Variants in TJP1 observed in about 807,000 individuals in gnomAD.
TJP1 encodes tight junction protein ZO-1.
In TJP1, 43 loss-of-function variants were observed where a neutral mutation model predicts 194.2. That is an observed-to-expected ratio of 0.22 (90% CI 0.17 to 0.29). The LOEUF (loss-of-function observed/expected upper bound fraction) is 0.29. Ranked by LOEUF, TJP1 falls within the 10% of genes least tolerant of loss-of-function variation. TJP1 has a pLI of 1.00. For synonymous variants in TJP1, 801 were observed against 779.0 expected, an observed-to-expected ratio of 1.03 and a Z score of -0.47; for missense variants, 1,971 against 2,185.7, an observed-to-expected ratio of 0.90 and a Z score of 1.96.
At chr15:29,909,175 A>G (rs2053935210) in intron 2 of TJP1, among the ~76,000 whole-genome samples, 2 of 150,498 alleles carry the variant, frequency 1.3e-5, no homozygotes, top group Non-Finnish European at 3.0e-5. Context: ...AAAAAAAGAA[A>G]AGAAAAAGAA....
At chr15:29,887,498 A>G (rs1206460503) in intron 2 of TJP1, among the ~76,000 whole-genome samples, 1 of 151,816 alleles carries the variant, frequency 6.6e-6, no homozygotes, top group Non-Finnish European at 1.5e-5. Context: ...ATGAGGTTTC[A>G]CCACGTTAGC....
intron 2 of TJP1, among the ~76,000 whole-genome samples, chr15:29,906,657 C>A (rs1175121402): frequency 3.3e-5 from 5 of 151,624 alleles, no homozygotes; most frequent in Admixed American, 2.0e-4. Context: ...TCAGCTCACT[C>A]CAACCTCCGC....
chr15:29,784,854 A>C (rs1259559233), intron 2 of TJP1, among the ~76,000 whole-genome samples: 1 of 152,224 alleles, frequency 6.6e-6, no homozygotes, highest in African/African-American at 2.4e-5. Context: ...TATATGATCT[A>C]GATATGGTAA....
intron 2 of TJP1, among the ~76,000 whole-genome samples, chr15:29,779,370 C>G (rs928295199): frequency 6.6e-6 from 1 of 152,170 alleles, no homozygotes; most frequent in African/African-American, 2.4e-5. Flanking sequence ...TACCCCCAAT[C>G]TTTCTCCCCC....
chr15:29,847,596 T>C (rs2051465017), intron 2 of TJP1, among the ~76,000 whole-genome samples: 1 of 152,022 alleles, frequency 6.6e-6, no homozygotes. Flanking sequence ...CCATCCTAGC[T>C]AACAAGGTGA....
chr15:29,826,973 C>T (rs1055315773), upstream of TJP1, among the ~76,000 whole-genome samples: 7 of 152,120 alleles, frequency 4.6e-5, no homozygotes, highest in African/African-American at 9.7e-5. Flanking sequence ...CTGGGCTGCC[C>T]GCTCCCACAG....
At chr15:29,852,319 C>A (rs1234111992) in intron 2 of TJP1, among the ~76,000 whole-genome samples, 2 of 152,192 alleles carry the variant, frequency 1.3e-5, no homozygotes, top group Non-Finnish European at 2.9e-5. Flanking sequence ...ACAGACATTT[C>A]ATTGAACAGG....
intron 2 of TJP1, among the ~76,000 whole-genome samples, chr15:29,950,221 CGCT>C (rs1295622879): frequency 3.4e-5 from 5 of 146,964 alleles, no homozygotes; most frequent in South Asian, 2.2e-4. Context: ...CCTTTACCAC[CGCT>C]ACCTCCACCA....
At chr15:29,877,517 G>A (rs1368455084) in intron 2 of TJP1, among the ~76,000 whole-genome samples, 1 of 152,014 alleles carries the variant, frequency 6.6e-6, no homozygotes, top group African/African-American at 2.4e-5. Context: ...CACCACACCT[G>A]GCCTAGATTA....
At chr15:29,857,654 G>A (rs1044637435) in intron 2 of TJP1, among the ~76,000 whole-genome samples, 1 of 152,112 alleles carries the variant, frequency 6.6e-6, no homozygotes, top group African/African-American at 2.4e-5. Context: ...TTTTTCCAAG[G>A]CCAATATGCA....
At chr15:29,813,242 A>G (rs1438563128) in intron 1 of TJP1, among the ~76,000 whole-genome samples, 1 of 152,184 alleles carries the variant, frequency 6.6e-6, no homozygotes. Flanking sequence ...AATATCCTCC[A>G]AACTAAGACC....
At chr15:29,716,320 AGAAGT>A (rs2042559480) in intron 23 of TJP1, among the ~76,000 whole-genome samples, 2 of 152,260 alleles carry the variant, frequency 1.3e-5, no homozygotes, top group African/African-American at 2.4e-5. Flanking sequence ...GTGTGTGTAC[AGAAGT>A]GAAGACTGAT....
chr15:29,894,369 G>A (rs772770511), intron 2 of TJP1, among the ~76,000 whole-genome samples: 56 of 152,214 alleles, frequency 3.7e-4, no homozygotes, highest in Non-Finnish European at 7.3e-4. Flanking sequence ...GGAGGCAGGA[G>A]AATCACTTGA....
chr15:29,906,468 A>AAAGTAAAT (rs2053816544), intron 2 of TJP1, among the ~76,000 whole-genome samples: 2 of 138,910 alleles, frequency 1.4e-5, no homozygotes, highest in African/African-American at 5.4e-5. Flanking sequence ...ACTCCGTCTC[A>AAAGTAAAT]AAATAAATAA....
intron 18 of TJP1, among the ~76,000 whole-genome samples, chr15:29,724,404 G>C (rs1173741763): frequency 6.6e-6 from 1 of 152,176 alleles, no homozygotes; most frequent in East Asian, 1.9e-4. Flanking sequence ...AACTTGCCAG[G>C]GTTCTGAATA....
intron 23 of TJP1, among the ~76,000 whole-genome samples, chr15:29,711,654 A>C (rs1448333892): frequency 6.6e-6 from 1 of 152,156 alleles, no homozygotes; most frequent in African/African-American, 2.4e-5. Flanking sequence ...GGCATGAGCC[A>C]CCGCACCCGG....
intron 2 of TJP1, among the ~76,000 whole-genome samples, chr15:29,949,694 T>A (rs796069719): frequency 0.017 from 550 of 33,330 alleles, 6 homozygotes; most frequent in African/African-American, 0.044. Context: ...CACCACCACC[T>A]CCACCACCAC....
chr15:29,882,228 C>G (rs1049859456), intron 2 of TJP1, among the ~76,000 whole-genome samples: 3 of 152,084 alleles, frequency 2.0e-5, no homozygotes, highest in African/African-American at 7.2e-5. Context: ...TAGCAAGGAC[C>G]TGACAGAGTT....
At chr15:29,711,086 T>TC in intron 23 of TJP1, 86 bp from the exon 24 acceptor site, 3 of 1,429,856 alleles carry the variant, frequency 2.1e-6, no homozygotes, top group Non-Finnish European at 2.8e-6. Context: ...TATCTCTAAG[T>TC]TAAAAAAAAA....
Sources: gnomAD v4.1 joint callset for allele counts (sites outside exome capture counted in the v4.1 genomes callset) on GRCh38, gnomAD v4.1.1 for gene constraint, MANE v1.5 for transcripts, NCBI Gene and HGNC (gene_info 2026-07-23, HGNC 2026-07-21) for gene names.